DLG2: variants seen among roughly 807,000 people sequenced by gnomAD.
The protein encoded by DLG2 is discs large MAGUK scaffold protein 2, also known as disks large homolog 2.
Under a neutral mutation model 132.5 loss-of-function variants are expected in DLG2, and 45 were observed. The ratio of observed to expected loss-of-function variants is 0.34; its 90% CI spans 0.27 to 0.44. DLG2 has a LOEUF of 0.44. Ranked by LOEUF, DLG2 falls within the 20% of genes least tolerant of loss-of-function variation. The pLI is 1.00. For synonymous variants in DLG2, 424 were observed against 419.6 expected, an observed-to-expected ratio of 1.01 and a Z score of -0.13; for missense variants, 1,045 against 1,196.9, an observed-to-expected ratio of 0.87 and a Z score of 1.87.
At chr11:85,185,692 T>C (rs2080042737) in intron 4 of DLG2, among the ~76,000 whole-genome samples, 1 of 151,830 alleles carries the variant, frequency 6.6e-6, no homozygotes, top group Non-Finnish European at 1.5e-5. Flanking sequence ...TCCCTCACCT[T>C]TGTCCTCATA....
intron 7 of DLG2, among the ~76,000 whole-genome samples, chr11:84,308,949 G>A (rs2098260078): frequency 6.6e-6 from 1 of 152,146 alleles, no homozygotes; most frequent in Non-Finnish European, 1.5e-5. Flanking sequence ...TGAGGGAGCC[G>A]GCTCCGGCCT....
intron 6 of DLG2, among the ~76,000 whole-genome samples, chr11:84,937,690 G>C (rs1402989343): frequency 6.6e-6 from 1 of 152,168 alleles, no homozygotes; most frequent in Non-Finnish European, 1.5e-5. Flanking sequence ...TTTGGGGGAA[G>C]TTTGTAGGCA....
chr11:85,213,907 T>C (rs1377786761), intron 4 of DLG2, among the ~76,000 whole-genome samples: 1 of 151,998 alleles, frequency 6.6e-6, no homozygotes, highest in Admixed American at 6.6e-5. Flanking sequence ...GATAGTACAA[T>C]GGAAAAACAG....
At chr11:84,193,952 C>T (rs879409940) in intron 8 of DLG2, among the ~76,000 whole-genome samples, 2 of 152,134 alleles carry the variant, frequency 1.3e-5, no homozygotes, top group Non-Finnish European at 2.9e-5. Context: ...GGACTGCTGG[C>T]GTATGGAACA....
At chr11:84,638,985 C>T (rs1327073231) in intron 6 of DLG2, among the ~76,000 whole-genome samples, 1 of 152,204 alleles carries the variant, frequency 6.6e-6, no homozygotes, top group Non-Finnish European at 1.5e-5. Context: ...AATCTGAGGA[C>T]CACTGATAAA....
chr11:84,518,336 AAG>A (rs1325548532), intron 7 of DLG2, among the ~76,000 whole-genome samples: 1 of 152,090 alleles, frequency 6.6e-6, no homozygotes, highest in Non-Finnish European at 1.5e-5. Flanking sequence ...GAAACTAAAA[AAG>A]AGAAGAGGGA....
At chr11:83,704,727 T>C (rs902872512) in intron 18 of DLG2, among the ~76,000 whole-genome samples, 3 of 151,548 alleles carry the variant, frequency 2.0e-5, no homozygotes, top group African/African-American at 4.9e-5. Flanking sequence ...CTTGGGAGGC[T>C]GAGGCAGGAG....
chr11:84,445,607 G>A (rs1452845784), intron 7 of DLG2, among the ~76,000 whole-genome samples: 1 of 151,830 alleles, frequency 6.6e-6, no homozygotes. Flanking sequence ...TCTTTAATCT[G>A]ATTATTTATA....
intron 7 of DLG2, among the ~76,000 whole-genome samples, chr11:84,374,471 A>AT (rs1369452408): frequency 6.6e-6 from 1 of 152,118 alleles, no homozygotes; most frequent in Non-Finnish European, 1.5e-5. Context: ...ATATAATGAG[A>AT]TTTTTTAATC....
intron 3 of DLG2, among the ~76,000 whole-genome samples, chr11:85,587,766 CT>C (rs1381839461): frequency 6.6e-6 from 1 of 152,002 alleles, no homozygotes; most frequent in African/African-American, 2.4e-5. Context: ...TGGGTTTTTT[CT>C]TTTTGTTAGT....
chr11:83,541,776 C>T lies in DLG2; in HGVS notation c.2023G>A (p.Val675Ile), dbSNP rs142603938. ...CACTCATCATCAGAGGCATTGATAACGTGGAGAATATCTCCATATTTAAAA... is the reference window on the plus strand; with the variant it reads ...CACTCATCATCAGAGGCATTGATAATGTGGAGAATATCTCCATATTTAAAA... ...LSFKYGDILH[V>I]INASDDEWWQ... Residue 675 changes from valine (V) to isoleucine (I), a missense_variant, in exon 20 of 28, where the codon GTT (valine) becomes ATT (isoleucine). This residue lies in a region of DLG2 where 398 missense variants were observed against 543.6 expected (regional missense o/e 0.73). Transcript: ENST00000376104. 6 of 1,613,342 alleles carry T rather than the reference C, an allele frequency of 3.7e-6. No homozygotes were observed. The African/African-American group carries it at 4.0e-5, about 11-fold the overall frequency.
chr11:84,241,778 T>C (rs932416741), intron 8 of DLG2, among the ~76,000 whole-genome samples: 15 of 152,296 alleles, frequency 9.8e-5, no homozygotes, highest in African/African-American at 3.1e-4. Flanking sequence ...AAAAATCTCT[T>C]GTAAATTGTA....
chr11:83,623,230 G>C (rs962508649), intron 19 of DLG2, among the ~76,000 whole-genome samples: 5 of 151,964 alleles, frequency 3.3e-5, no homozygotes, highest in African/African-American at 1.2e-4. Context: ...TATAAGAATA[G>C]TGACTCTGGT....
intron 8 of DLG2, among the ~76,000 whole-genome samples, chr11:84,216,017 A>G (rs1209803579): frequency 6.6e-6 from 1 of 152,228 alleles, no homozygotes; most frequent in African/African-American, 2.4e-5. Context: ...GCCATTAATT[A>G]TCTCACATTT....
chr11:83,566,755 A>G (rs1440730898), intron 19 of DLG2, among the ~76,000 whole-genome samples: 3 of 114,696 alleles, frequency 2.6e-5, no homozygotes, highest in Non-Finnish European at 6.0e-5. Flanking sequence ...GTGTGTGTGT[A>G]TCCTCACAAT....
chr11:85,555,034 T>C lies in DLG2; in HGVS notation c.40+43623A>G, dbSNP rs182838766. On this transcript the variant is annotated intron_variant, in intron 3 of 27. Coordinates refer to ENST00000376104, the MANE Select transcript of DLG2 (RefSeq NM_001142699.3). Reference sequence around the variant, plus strand: ...TTGAAAAACCTAACCTCTAAGCCTCTGGGGAGATGGAGTTGAGTAGTAACT... The same window carrying C: ...TTGAAAAACCTAACCTCTAAGCCTCCGGGGAGATGGAGTTGAGTAGTAACT... 1.3e-3 allele frequency among the ~76,000 whole-genome samples: 202 copies of C among 151,940 alleles called. 1 individual carries two copies. The highest frequency in any genetic ancestry group is 4.6e-3 in the African/African-American group (191 of 41,540).
intron 18 of DLG2, among the ~76,000 whole-genome samples, chr11:83,672,561 TTC>T (rs2077014024): frequency 6.6e-6 from 1 of 152,168 alleles, no homozygotes; most frequent in Admixed American, 6.5e-5. Context: ...AACAATACTC[TTC>T]TCTATATATC....
At chr11:84,250,904 T>G (rs2154350418) in intron 8 of DLG2, among the ~76,000 whole-genome samples, 1 of 152,334 alleles carries the variant, frequency 6.6e-6, no homozygotes, top group South Asian at 2.1e-4. Context: ...GACTTGAATA[T>G]TCCTTTTATA....
intron 6 of DLG2, among the ~76,000 whole-genome samples, chr11:84,888,727 C>T (rs1399208427): frequency 6.6e-6 from 1 of 152,100 alleles, no homozygotes; most frequent in East Asian, 1.9e-4. Flanking sequence ...TTCCCTATCT[C>T]CAAGAAAGAT....
Sources: gnomAD v4.1 joint callset for allele counts (sites outside exome capture counted in the v4.1 genomes callset) on GRCh38, gnomAD v4.1.1 for gene constraint, gnomAD v4.1.1 regional missense constraint, MANE v1.5 for transcripts, NCBI Gene and HGNC (gene_info 2026-07-23, HGNC 2026-07-21) for gene names.